SH3RF3: variants seen among roughly 807,000 people sequenced by gnomAD.
SH3RF3 encodes SH3 domain containing ring finger 3.
Under a neutral mutation model 66.3 loss-of-function variants are expected in SH3RF3, and 29 were observed. The ratio of observed to expected loss-of-function variants is 0.44; its 90% confidence interval spans 0.33 to 0.60. SH3RF3 has a LOEUF of 0.60. Ranked by LOEUF, SH3RF3 falls within the 20% of genes least tolerant of loss-of-function variation. SH3RF3 has a pLI of 0.04. For synonymous variants in SH3RF3, 583 were observed against 532.0 expected (o/e 1.10, Z -1.32); for missense variants, 1,194 against 1,190.9 (o/e 1.00, Z -0.04).
At chr2:109,356,818 G>T (rs1682952719) in intron 2 of SH3RF3, among the ~76,000 whole-genome samples, 1 of 152,074 alleles carries the variant, frequency 6.6e-6, no homozygotes, top group Non-Finnish European at 1.5e-5. Flanking sequence ...AAATAAGCCT[G>T]GTTCTTCAGC....
Position 109,190,466 on chromosome 2 carries a change from G to A in SH3RF3, c.573+60353G>A, listed in dbSNP as rs1351801176. Among the ~76,000 whole-genome samples, 5 of 152,294 alleles carry A rather than the reference G, an allele frequency of 3.3e-5. No homozygotes were observed. The South Asian group carries it at 8.3e-4, about 25-fold the overall frequency. ...TGGGGTTATAGGCGTGAGCCACTGC[G>A]CCTGGTCGACATCCTATTTTTATAG... On this transcript the variant is annotated intron_variant, in intron 1 of 9. Coordinates refer to ENST00000309415, the MANE Select transcript of SH3RF3 (RefSeq NM_001099289.3).
chr2:109,130,167 G>A, intron 1 of SH3RF3, 54 bp downstream of exon 1: 1 of 1,253,134 alleles, frequency 8.0e-7, no homozygotes, highest in Non-Finnish European at 1.0e-6. Context: ...GTGTGGGTGG[G>A]TGCTTGGGCG....
intron 1 of SH3RF3, among the ~76,000 whole-genome samples, chr2:109,214,777 C>G (rs1679069566): frequency 6.6e-6 from 1 of 152,210 alleles, no homozygotes; most frequent in African/African-American, 2.4e-5. Flanking sequence ...CTTCACCCCT[C>G]TGGACTTGCG....
chr2:109,219,372 A>G (rs1260614003), intron 1 of SH3RF3, among the ~76,000 whole-genome samples: 2 of 152,220 alleles, frequency 1.3e-5, no homozygotes, highest in African/African-American at 4.8e-5. Flanking sequence ...CCATCACTTA[A>G]TAAAACAAGG....
At chr2:109,455,035 T>G (rs984835180) in intron 8 of SH3RF3, among the ~76,000 whole-genome samples, 2 of 152,206 alleles carry the variant, frequency 1.3e-5, no homozygotes, top group Non-Finnish European at 2.9e-5. Flanking sequence ...AAACTCTCCA[T>G]TTTCCATGAT....
At chr2:109,322,354 T>A (rs1682045366) in intron 1 of SH3RF3, among the ~76,000 whole-genome samples, 1 of 152,186 alleles carries the variant, frequency 6.6e-6, no homozygotes, top group Non-Finnish European at 1.5e-5. Flanking sequence ...CATTTCAACA[T>A]GTGCCGAAAT....
intron 1 of SH3RF3, among the ~76,000 whole-genome samples, chr2:109,133,434 C>T (rs1676742629): frequency 6.6e-6 from 1 of 152,164 alleles, no homozygotes; most frequent in African/African-American, 2.4e-5. Flanking sequence ...ATTTTATAAG[C>T]ATACACGTGT....
chr2:109,282,398 G>A (rs555307858), intron 1 of SH3RF3, among the ~76,000 whole-genome samples: 1 of 152,256 alleles, frequency 6.6e-6, no homozygotes, highest in Non-Finnish European at 1.5e-5. Context: ...CCAAAACATG[G>A]GTGTGAAGTA....
intron 8 of SH3RF3, among the ~76,000 whole-genome samples, chr2:109,486,470 G>A (rs979064434): frequency 6.6e-6 from 1 of 152,196 alleles, no homozygotes; most frequent in Non-Finnish European, 1.5e-5. Flanking sequence ...TAGGTCCTAG[G>A]TATTTCGTAA....
chr2:109,385,351 C>T (rs1274956070), intron 3 of SH3RF3, among the ~76,000 whole-genome samples: 1 of 152,252 alleles, frequency 6.6e-6, no homozygotes, highest in Non-Finnish European at 1.5e-5. Context: ...TGCACAACCC[C>T]AGTGTCCCCT....
At chr2:109,203,494 C>G (rs1422419835) in intron 1 of SH3RF3, among the ~76,000 whole-genome samples, 1 of 152,176 alleles carries the variant, frequency 6.6e-6, no homozygotes, top group Non-Finnish European at 1.5e-5. Flanking sequence ...AGTCCCACCG[C>G]TCCCCATTGC....
intron 1 of SH3RF3, among the ~76,000 whole-genome samples, chr2:109,345,748 G>A (rs1452427036): frequency 9.9e-5 from 15 of 152,142 alleles, no homozygotes; most frequent in Admixed American, 9.8e-4. Context: ...TTAGAACAGG[G>A]AACCTTACTC....
rs561995759 is a variant in SH3RF3 at position 109,227,601 on chromosome 2, T to C, written c.573+97488T>C. ...TCCCTGGCTCTTGGGATTGTCTGTG[T>C]GTGGGAGATTCCCCTGGATCTGGCC... On this transcript the variant is annotated intron_variant, in intron 1 of 9. Transcript: ENST00000309415. 1.4e-4 allele frequency among the ~76,000 whole-genome samples: 22 copies of C among 152,306 alleles called. No homozygotes were observed. In the South Asian group the frequency reaches 4.6e-3, roughly 32 times the overall value.
In SH3RF3 at chr2:109,220,350, A is replaced by G. The variant is rs1199788230; in HGVS notation, c.573+90237A>G. Among the ~76,000 whole-genome samples, 6 of 152,242 alleles carry G rather than the reference A, an allele frequency of 3.9e-5. No homozygotes were observed. The East Asian group carries it at 1.2e-3, about 29-fold the overall frequency. ...TAAGAATACACAGGTAAAAACCTTC[A>G]TGGCCTGGAATTAGGCAATGATTTC... is the stretch of plus-strand genomic sequence containing the variant. On this transcript the variant is annotated intron_variant, in intron 1 of 9. Coordinates refer to ENST00000309415, the MANE Select transcript of SH3RF3 (RefSeq NM_001099289.3).
intron 3 of SH3RF3, among the ~76,000 whole-genome samples, chr2:109,384,053 T>A (rs1675761389): frequency 6.6e-6 from 1 of 152,184 alleles, no homozygotes; most frequent in African/African-American, 2.4e-5. Flanking sequence ...GACCACTTGC[T>A]CCTCCCACCC....
At chr2:109,285,381 G>A (rs1409070631) in intron 1 of SH3RF3, among the ~76,000 whole-genome samples, 1 of 152,208 alleles carries the variant, frequency 6.6e-6, no homozygotes, top group African/African-American at 2.4e-5. Context: ...CACGGCCAAC[G>A]CACAAAACTT....
intron 8 of SH3RF3, among the ~76,000 whole-genome samples, chr2:109,458,572 C>CAGAGAGAGAGCGAGAGAGAGAGAGAGAG (rs1678122941): frequency 8.1e-6 from 1 of 122,978 alleles, no homozygotes; most frequent in South Asian, 2.7e-4. Context: ...CAGCAGGAGA[C>CAGAGAGAGAGCGAGAGAGAGAGAGAGAG]AGAGAGAGAG....
At chr2:109,173,541 A>G (rs962732130) in intron 1 of SH3RF3, among the ~76,000 whole-genome samples, 7 of 152,166 alleles carry the variant, frequency 4.6e-5, no homozygotes, top group Admixed American at 4.6e-4. Flanking sequence ...TGGCTGCCTA[A>G]CAACAGAGCT....
chr2:109,143,865 T>G (rs990601266), intron 1 of SH3RF3, among the ~76,000 whole-genome samples: 1 of 151,992 alleles, frequency 6.6e-6, no homozygotes, highest in Non-Finnish European at 1.5e-5. Context: ...TATTATTCAA[T>G]CTTAAAAAAG....
Sources: allele counts gnomAD v4.1 joint callset (sites outside exome capture counted in the v4.1 genomes callset), GRCh38; gene constraint gnomAD v4.1.1; transcripts MANE v1.5; gene names NCBI Gene and HGNC (gene_info 2026-07-23, HGNC 2026-07-21).